Variants in CCDC7 observed in about 807,000 individuals in gnomAD.
CCDC7 encodes coiled-coil domain containing 7, also known as coiled-coil domain-containing protein 7.
In CCDC7, 183 loss-of-function variants were observed where a neutral mutation model predicts 196.9. The observed-to-expected ratio is 0.93, with a 90% CI of 0.82 to 1.05. The LOEUF is 1.05. CCDC7 is among the 50% of genes least tolerant of loss of function. The probability of loss-of-function intolerance (pLI) is 0.00; values close to 1 mark genes in which losing one functional copy is unlikely to be tolerated. For missense variants in CCDC7, 1,540 were observed against 1,482.2 expected, an observed-to-expected ratio of 1.04 and a Z score of -0.64; for synonymous variants, 525 against 484.6, an observed-to-expected ratio of 1.08 and a Z score of -1.10.
intron 20 of CCDC7, among the ~76,000 whole-genome samples, chr10:32,646,606 A>G (rs756309595): frequency 5.8e-4 from 89 of 152,154 alleles, no homozygotes; most frequent in Non-Finnish European, 2.9e-4. Flanking sequence ...CTTTCAGATA[A>G]AGGTGTGGGG....
chr10:32,741,541 T>C (rs2085844989), intron 28 of CCDC7, among the ~76,000 whole-genome samples: 1 of 152,172 alleles, frequency 6.6e-6, no homozygotes, highest in Non-Finnish European at 1.5e-5. Context: ...TCTGTATATG[T>C]TGGGTTTTGC....
chr10:32,876,334 C>A lies in CCDC7; in HGVS notation c.4112-13C>A. ...AAACTTTTTTTCAATTAACACATAA[C>A]TTTTCTTTAAAGTGTTACATGCTGC... On this transcript the variant is annotated splice_polypyrimidine_tract_variant and intron_variant, in intron 41 of 41. Transcript: ENST00000639629. 1.2e-6 allele frequency: 2 copies of A among 1,602,530 alleles called. No homozygotes were observed. Among genetic ancestry groups the A allele is most frequent in the South Asian group, 1.1e-5 (1 of 89,496 alleles).
intron 20 of CCDC7, among the ~76,000 whole-genome samples, chr10:32,646,925 A>AT (rs2067869340): frequency 6.6e-6 from 1 of 152,152 alleles, no homozygotes; most frequent in Non-Finnish European, 1.5e-5. Flanking sequence ...ATTCTTTCTA[A>AT]TGGGTACATA....
In CCDC7 at chr10:32,851,779, G is replaced by A. The variant is rs750194958; in HGVS notation, c.3896-28G>A. ...TAATTACAAATGTCATCTATTGTAT[G>A]GCTAACATATTTTCCAAATTTTTCT... is the stretch of plus-strand genomic sequence containing the variant. On this transcript the variant is annotated intron_variant, in intron 39 of 41. Transcript: ENST00000639629. 13 of 1,594,612 alleles carry A rather than the reference G, an allele frequency of 8.2e-6. No homozygotes were observed. In the East Asian group the frequency reaches 2.9e-4, roughly 36 times the overall value.
intron 30 of CCDC7, 68 bp downstream of exon 31, chr10:32,805,166 C>A (rs931475005): frequency 2.7e-5 from 30 of 1,104,354 alleles, no homozygotes; most frequent in Non-Finnish European, 4.0e-5. Context: ...AGTGTGTATC[C>A]TTAATAGCAA....
chr10:32,567,523 G>A (rs1224315855), intron 14 of CCDC7, 147 bp from the exon 16 acceptor site: 4 of 866,784 alleles, frequency 4.6e-6, no homozygotes, highest in East Asian at 2.8e-5. Flanking sequence ...ATCAATTATA[G>A]CAATAGCTTA....
chr10:32,791,248 C>A (rs78070859), intron 29 of CCDC7, among the ~76,000 whole-genome samples: 7,981 of 139,382 alleles, frequency 0.057, 697 homozygotes, highest in African/African-American at 0.19. Flanking sequence ...GAGTCTTTTT[C>A]AAAAAAAAAA....
At chr10:32,594,121 T>G (rs915915548) in intron 18 of CCDC7, among the ~76,000 whole-genome samples, 4 of 152,200 alleles carry the variant, frequency 2.6e-5, no homozygotes, top group African/African-American at 9.7e-5. Context: ...TGGCAGTGAA[T>G]CTATAAATTA....
intron 13 of CCDC7, among the ~76,000 whole-genome samples, chr10:32,559,033 A>C (rs1000135709): frequency 5.9e-5 from 9 of 152,234 alleles, no homozygotes; most frequent in African/African-American, 2.2e-4. Context: ...CATGGCTTGG[A>C]GGGTCGTACG....
rs182054739 is a variant in CCDC7 at position 32,559,072 on chromosome 10, A to G, written c.1135-6486A>G. Reference sequence around the variant, plus strand: ...ACGGAGTCTCGCTGATTGCTAGCACAGCACTCTGAGATCAAACTGCAAGGC... The same window carrying G: ...ACGGAGTCTCGCTGATTGCTAGCACGGCACTCTGAGATCAAACTGCAAGGC... On this transcript the variant is annotated intron_variant, in intron 13 of 41. Coordinates refer to ENST00000639629, the Ensembl canonical transcript of CCDC7. 8.4e-3 allele frequency among the ~76,000 whole-genome samples: 1,276 copies of G among 152,344 alleles called. 27 individuals carry two copies. The highest frequency in any genetic ancestry group is 0.028 in the African/African-American group (1,174 of 41,570).
chr10:32,790,184 A>G (rs1298843440), intron 29 of CCDC7, among the ~76,000 whole-genome samples: 1 of 152,150 alleles, frequency 6.6e-6, no homozygotes, highest in Non-Finnish European at 1.5e-5. Flanking sequence ...CCAAGGCTCC[A>G]CTATGCCTAG....
chr10:32,691,778 G>T (rs969639388), intron 23 of CCDC7, among the ~76,000 whole-genome samples: 1 of 152,076 alleles, frequency 6.6e-6, no homozygotes, highest in East Asian at 1.9e-4. Flanking sequence ...ACAGCGGAGT[G>T]CCTCAAGGGG....
intron 8 of CCDC7, among the ~76,000 whole-genome samples, chr10:32,487,450 G>T (rs1589093017): frequency 6.6e-6 from 1 of 152,180 alleles, no homozygotes; most frequent in Non-Finnish European, 1.5e-5. Flanking sequence ...TTAGCTCAGA[G>T]TAGTTTGATT....
intron 11 of CCDC7, among the ~76,000 whole-genome samples, chr10:32,523,158 A>G (rs1489568882): frequency 1.3e-5 from 2 of 152,232 alleles, no homozygotes; most frequent in Non-Finnish European, 2.9e-5. Flanking sequence ...GAAATGTTCT[A>G]TAAATATCTG....
intron 29 of CCDC7, among the ~76,000 whole-genome samples, chr10:32,781,870 A>T (rs925628407): frequency 2.0e-5 from 3 of 152,218 alleles, no homozygotes; most frequent in African/African-American, 7.2e-5. Context: ...AAGAAATAAA[A>T]TTATCTGCCA....
intron 9 of CCDC7, among the ~76,000 whole-genome samples, chr10:32,504,115 G>GTTTTTTTT (rs748760643): frequency 5.2e-5 from 5 of 96,300 alleles, no homozygotes; most frequent in Admixed American, 1.2e-4. Flanking sequence ...TTTATTGCTG[G>GTTTTTTTT]TTTTTTTTTT....
intron 18 of CCDC7, among the ~76,000 whole-genome samples, chr10:32,587,008 C>T (rs1008840491): frequency 6.6e-5 from 10 of 152,102 alleles, no homozygotes; most frequent in African/African-American, 1.4e-4. Context: ...TCTTTTATCC[C>T]AGCAGTCAAG....
chr10:32,709,053 C>G (rs1006483798), intron 24 of CCDC7, among the ~76,000 whole-genome samples: 9 of 152,082 alleles, frequency 5.9e-5, no homozygotes, highest in Admixed American at 2.0e-4. Context: ...TTCACAGTAG[C>G]AAAGCTTGGA....
At chr10:32,509,298 A>C (rs1456058640) in intron 9 of CCDC7, among the ~76,000 whole-genome samples, 8 of 152,220 alleles carry the variant, frequency 5.3e-5, no homozygotes. Context: ...AGAAATAAAC[A>C]ATGGGGAAAG....
Sources: allele counts gnomAD v4.1 joint callset (sites outside exome capture counted in the v4.1 genomes callset), GRCh38; gene constraint gnomAD v4.1.1; transcripts MANE v1.5; gene names NCBI Gene and HGNC (gene_info 2026-07-23, HGNC 2026-07-21).